TRPM3: variants seen among roughly 807,000 people sequenced by gnomAD.
The protein encoded by TRPM3 is transient receptor potential cation channel subfamily M member 3, also known as long transient receptor potential channel 3.
A neutral mutation model predicts 181.2 loss-of-function variants in TRPM3; 77 were observed. The observed-to-expected ratio is 0.42, with a 90% confidence interval of 0.35 to 0.51. The LOEUF is 0.51. Ranked by LOEUF, TRPM3 falls within the 20% of genes least tolerant of loss-of-function variation. The pLI is 0.01. For missense variants in TRPM3, 1,759 were observed against 2,196.7 expected (o/e 0.80, Z 3.98); for synonymous variants, 745 against 796.4 (o/e 0.94, Z 1.09).
At chr9:71,275,317 T>C (rs1305129617) in intron 1 of TRPM3, among the ~76,000 whole-genome samples, 1 of 152,162 alleles carries the variant, frequency 6.6e-6, no homozygotes, top group African/African-American at 2.4e-5. Context: ...GTTACAATAG[T>C]AAGAAAAATC....
chr9:70,834,141 G>A (rs773952619), intron 5 of TRPM3, among the ~76,000 whole-genome samples: 5 of 152,124 alleles, frequency 3.3e-5, no homozygotes, highest in Admixed American at 6.5e-5. Context: ...CTTTCAGCTC[G>A]GCAATTCAAA....
rs398010878 is a variant in TRPM3, at chr9:71,296,988, C to CTTTTTTT, written c.183+149658_183+149664dup. 1.0e-3 allele frequency among the ~76,000 whole-genome samples: 101 copies of CTTTTTTT among 97,836 alleles called. 1 individual carries two copies. The highest frequency in any genetic ancestry group is 3.7e-3 in the African/African-American group (96 of 26,034). 64.2% of individuals were successfully genotyped at this position (97,836 alleles called of 152,430 possible). On this transcript the variant is annotated intron_variant, in intron 1 of 24. Coordinates refer to the TRPM3 transcript ENST00000357533. ...AACAAACATGGGATGTGAATCTTTT[C>CTTTTTTT]TTTTTTTTTTTTTTTTTTTTTGAGA... is the stretch of plus-strand genomic sequence containing the variant.
At chr9:70,737,804 A>C (rs1455740879) in intron 8 of TRPM3, among the ~76,000 whole-genome samples, 1 of 152,216 alleles carries the variant, frequency 6.6e-6, no homozygotes, top group Non-Finnish European at 1.5e-5. Flanking sequence ...TAAAAGGACT[A>C]GTCCAATAGG....
intron 9 of TRPM3, among the ~76,000 whole-genome samples, chr9:70,640,891 T>G (rs761163710): frequency 2.0e-5 from 3 of 152,166 alleles, no homozygotes; most frequent in Non-Finnish European, 4.4e-5. Context: ...TTTTAAAAAC[T>G]TTTTAAAAAG....
At chr9:71,107,840 T>C (rs923404033) in intron 1 of TRPM3, among the ~76,000 whole-genome samples, 1 of 152,180 alleles carries the variant, frequency 6.6e-6, no homozygotes, top group Non-Finnish European at 1.5e-5. Context: ...ATCATAAAAA[T>C]TTTTTACCCC....
intron 3 of TRPM3, among the ~76,000 whole-genome samples, chr9:70,856,706 T>C (rs557587563): frequency 6.6e-6 from 1 of 152,178 alleles, no homozygotes; most frequent in South Asian, 2.1e-4. Context: ...AGTGTGAAAA[T>C]GAGGGCTAGA....
chr9:71,357,886 C>CA (rs758647925), intron 1 of TRPM3, among the ~76,000 whole-genome samples: 10 of 151,988 alleles, frequency 6.6e-5, no homozygotes, highest in Admixed American at 1.3e-4. Context: ...ACTTGTAAAG[C>CA]AATATGAAAC....
chr9:71,312,057 A>C (rs2088000735), intron 1 of TRPM3, among the ~76,000 whole-genome samples: 2 of 152,180 alleles, frequency 1.3e-5, no homozygotes, highest in Admixed American at 6.6e-5. Flanking sequence ...TGACAGAAGT[A>C]ATCTATAGGC....
chr9:70,949,524 T>C (rs1051243667), intron 1 of TRPM3, among the ~76,000 whole-genome samples: 44 of 151,426 alleles, frequency 2.9e-4, no homozygotes, highest in Non-Finnish European at 1.0e-4. Context: ...TTCTCCCCCA[T>C]GCAGGGGAGT....
intron 1 of TRPM3, among the ~76,000 whole-genome samples, chr9:71,006,849 C>T (rs1278862659): frequency 1.7e-4 from 22 of 130,702 alleles, no homozygotes; most frequent in African/African-American, 5.9e-4. Context: ...CCAGCCTGGG[C>T]GACAGAGCGA....
In TRPM3 at chr9:71,134,012, T is replaced by TGC. The variant is rs1412288417; in HGVS notation, c.184-269502_184-269501insGC. 1.8e-3 allele frequency among the ~76,000 whole-genome samples: 242 copies of TGC among 131,524 alleles called. 3 individuals carry two copies. Among genetic ancestry groups the TGC allele is most frequent in the Non-Finnish European group, 3.3e-3 (190 of 58,118 alleles). 86.3% of individuals were successfully genotyped at this position (131,524 alleles called of 152,430 possible). ...GTGTGTGTGTGTGTGTGTGTGTGTG[T>TGC]GTGCGCGTGCGCGCGCGCGCGTGTC... On this transcript the variant is annotated intron_variant, in intron 1 of 24. Transcript: ENST00000357533.
intron 1 of TRPM3, among the ~76,000 whole-genome samples, chr9:70,906,791 T>C (rs1269506981): frequency 1.3e-5 from 2 of 152,056 alleles, no homozygotes; most frequent in Non-Finnish European, 2.9e-5. Context: ...TAATCCCAGC[T>C]ACTCAGGAGG....
At chr9:71,159,859 C>G (rs2076193455) in intron 1 of TRPM3, among the ~76,000 whole-genome samples, 1 of 152,044 alleles carries the variant, frequency 6.6e-6, no homozygotes, top group Admixed American at 6.6e-5. Context: ...GATGAATCAC[C>G]ACAGCCCTTC....
intron 1 of TRPM3, among the ~76,000 whole-genome samples, chr9:71,354,993 T>C (rs543305103): frequency 2.0e-5 from 3 of 152,364 alleles, no homozygotes; most frequent in Non-Finnish European, 2.9e-5. Flanking sequence ...GTCAGATCTT[T>C]CTTAGTTCTT....
At chr9:70,830,161 G>A (rs2131731807) in intron 5 of TRPM3, among the ~76,000 whole-genome samples, 1 of 152,158 alleles carries the variant, frequency 6.6e-6, no homozygotes, top group Admixed American at 6.5e-5. Context: ...CCGGGCATTT[G>A]TGCTGGCTGA....
intron 1 of TRPM3, among the ~76,000 whole-genome samples, chr9:71,095,379 G>A (rs1258679239): frequency 3.8e-5 from 1 of 26,218 alleles, no homozygotes; most frequent in Non-Finnish European, 6.0e-5. Flanking sequence ...GGTGGGGCAC[G>A]ACGGGAGATC....
intron 1 of TRPM3, among the ~76,000 whole-genome samples, chr9:71,381,076 TAAGA>T (rs1360188360): frequency 6.6e-6 from 1 of 152,008 alleles, no homozygotes; most frequent in East Asian, 1.9e-4. Context: ...TGACTACACT[TAAGA>T]AATACAAGAC....
intron 1 of TRPM3, among the ~76,000 whole-genome samples, chr9:71,392,032 A>C (rs964979018): frequency 6.6e-6 from 1 of 152,096 alleles, no homozygotes; most frequent in African/African-American, 2.4e-5. Context: ...AATTCAGTAG[A>C]ATTTGAGTGA....
chr9:70,766,275 C>A (rs566489164), intron 7 of TRPM3, among the ~76,000 whole-genome samples: 3 of 152,112 alleles, frequency 2.0e-5, no homozygotes, highest in Non-Finnish European at 4.4e-5. Context: ...CTCAATATAA[C>A]CCACACATAC....
Sources: allele counts gnomAD v4.1 joint callset (sites outside exome capture counted in the v4.1 genomes callset), GRCh38; gene constraint gnomAD v4.1.1; transcripts MANE v1.5; gene names NCBI Gene and HGNC (gene_info 2026-07-23, HGNC 2026-07-21).